The following RHPN1 variants were observed in gnomAD, a reference collection of about 807,000 sequenced individuals.
RHPN1 encodes rhophilin-1.
A neutral mutation model predicts 74.7 loss-of-function variants in RHPN1; 77 were observed. The observed-to-expected ratio is 1.03, with a 90% CI of 0.86 to 1.25. The LOEUF (loss-of-function observed/expected upper bound fraction) is 1.25. Ranked by LOEUF, RHPN1 falls within the 50% of genes most tolerant of loss-of-function variation. The pLI is 0.00. For missense variants in RHPN1, 987 were observed against 932.2 expected (o/e 1.06, Z -0.77); for synonymous variants, 444 against 414.5 (o/e 1.07, Z -0.87).
intron 1 of RHPN1, among the ~76,000 whole-genome samples, chr8:143,372,566 C>T (rs1817902220): frequency 6.6e-6 from 1 of 152,020 alleles, no homozygotes; most frequent in Non-Finnish European, 1.5e-5. Flanking sequence ...GCACACCCTC[C>T]TTCCGGCTGC....
At chr8:143,374,864 G>A (rs1440380870) in intron 1 of RHPN1, among the ~76,000 whole-genome samples, 79 of 152,240 alleles carry the variant, frequency 5.2e-4, no homozygotes, top group Non-Finnish European at 1.0e-4. Context: ...CGCTGGGCAC[G>A]CCCCACTCTT....
At chr8:143,368,626 G>A (rs1817620768), upstream of RHPN1, 1 of 172,858 alleles carries the variant, frequency 5.8e-6, no homozygotes, top group Non-Finnish European at 1.2e-5. Flanking sequence ...CGGCGCATGC[G>A]CAGTACAACC....
chr8:143,381,996 G>A (rs1818774100), intron 14 of RHPN1, 28 bp downstream of exon 14: 1 of 1,544,848 alleles, frequency 6.5e-7, no homozygotes, highest in Non-Finnish European at 8.7e-7. Context: ...CAGAGGGGCG[G>A]TCCCCAGCTT....
In RHPN1 at chr8:143,382,965, G is replaced by A; in HGVS notation, c.*314G>A. 1 of 381,356 alleles carries A rather than the reference G, an allele frequency of 2.6e-6. No individual in the cohort carries two copies. The highest frequency in any genetic ancestry group is 4.8e-6 in the Non-Finnish European group (1 of 207,354). 23.6% of individuals were successfully genotyped at this position (381,356 alleles called of 1,614,324 possible). A position where few individuals can be genotyped will look rare whatever the true frequency, so the allele number is the denominator to read the frequency against. On this transcript the variant is annotated 3_prime_UTR_variant, in exon 15 of 15. Coordinates refer to ENST00000289013, the MANE Select transcript of RHPN1 (RefSeq NM_052924.3). ...CATCCCATCTGTACCCCCGGGCTCT[G>A]TCCACCCTGCTGCTGCCCTGGGCAC...
At chr8:143,381,426 G>A in intron 12 of RHPN1, 82 bp downstream of exon 12, 3 of 1,466,600 alleles carry the variant, frequency 2.0e-6, no homozygotes, top group Non-Finnish European at 2.8e-6. Flanking sequence ...CCTCAGACAG[G>A]CCATTGATGG....
chr8:143,368,897 G>C lies in RHPN1; in HGVS notation c.-91G>C, dbSNP rs1817645526. 1.0e-6 allele frequency: 1 copy of C among 985,890 alleles called. No individual in the cohort carries two copies. Among genetic ancestry groups the C allele is most frequent in the South Asian group, 2.6e-5 (1 of 38,262 alleles). The allele number at this position is 985,890 out of a possible 1,614,324, so 61.1% of individuals were successfully genotyped here. A position where few individuals can be genotyped will look rare whatever the true frequency, so the allele number is the denominator to read the frequency against. On this transcript the variant is annotated 5_prime_UTR_variant, in exon 1 of 15. Coordinates refer to ENST00000289013, the MANE Select transcript of RHPN1 (RefSeq NM_052924.3). ...GGGCACTCAGGAGCCCGCGGCCCAG[G>C]TGGTGCGGGCGGCCCTAGCCCGGCT...
chr8:143,382,517 A>T lies in RHPN1; in HGVS notation c.1879A>T (p.Thr627Ser). Residue 627 changes from threonine to serine, a missense_variant, in exon 15 of 15, where the codon ACG (threonine) becomes TCG (serine). Transcript: ENST00000289013. ...REHGCKTPAS[T>S]WASPRPLLNW... ...GCATGGTTGCAAGACCCCGGCATCC[A>T]CGTGGGCCAGTCCCCGGCCCCTCCT... The T allele has an allele frequency of 6.2e-7, 1 of 1,610,148 alleles. No individual in the cohort carries two copies. The highest frequency in any genetic ancestry group is 8.5e-7 in the Non-Finnish European group (1 of 1,178,930).
intron 5 of RHPN1, 123 bp from the exon 6 acceptor site, chr8:143,378,573 C>T: frequency 7.5e-7 from 1 of 1,336,468 alleles, no homozygotes; most frequent in Non-Finnish European, 1.0e-6. Flanking sequence ...TCACGGCTGC[C>T]CAGGGCCCCA....
In RHPN1 at chr8:143,381,325, C is replaced by T; in HGVS notation, c.1469C>T (p.Pro490Leu). Residue 490 changes from proline to leucine, a missense_variant, in exon 12 of 15, where the codon CCT (proline) becomes CTT (leucine). Transcript: ENST00000289013. ...RMPRLSQGKG[P>L]DIFHRLGPLS... ...CCACGCCTGTCCCAGGGGAAGGGGC[C>T]TGACATCTTCCATCGGCTGGTGAGC... The T allele has an allele frequency of 1.9e-6, 3 of 1,611,976 alleles. No homozygotes were observed. The highest frequency in any genetic ancestry group is 2.5e-6 in the Non-Finnish European group (3 of 1,179,334).
intron 8 of RHPN1, 75 bp from the exon 9 acceptor site, chr8:143,379,754 G>A (rs1818571695): frequency 1.3e-6 from 2 of 1,517,668 alleles, no homozygotes; most frequent in Non-Finnish European, 1.8e-6. Flanking sequence ...CGGAGCAGGT[G>A]GAGGCTGGGT....
chr8:143,376,485 G>A, intron 2 of RHPN1, 40 bp from the exon 3 acceptor site: 1 of 1,608,308 alleles, frequency 6.2e-7, no homozygotes, highest in South Asian at 1.1e-5. Flanking sequence ...CTTTGGCTCT[G>A]CCTTGGGGCT....
At chr8:143,380,237 C>A in intron 10 of RHPN1, 62 bp downstream of exon 10, 1 of 1,124,116 alleles carries the variant, frequency 8.9e-7, no homozygotes, top group Non-Finnish European at 1.2e-6. Context: ...GGCAGGGTGT[C>A]CCCCACCACC....
chr8:143,371,576 G>T (rs1004069066), intron 1 of RHPN1, among the ~76,000 whole-genome samples: 8 of 152,146 alleles, frequency 5.3e-5, no homozygotes, highest in African/African-American at 7.2e-5. Context: ...CCCCAGGTCA[G>T]CCCCACTCTG....
At chr8:143,377,727 T>C (rs1818379599) in intron 4 of RHPN1, among the ~76,000 whole-genome samples, 1 of 152,122 alleles carries the variant, frequency 6.6e-6, no homozygotes, top group Non-Finnish European at 1.5e-5. Context: ...GGATGGGCAA[T>C]GCCCTAGGAG....
At chr8:143,375,090 G>A (rs1233331163) in intron 1 of RHPN1, among the ~76,000 whole-genome samples, 2 of 152,230 alleles carry the variant, frequency 1.3e-5, no homozygotes, top group Admixed American at 1.3e-4. Flanking sequence ...AACCCACATG[G>A]GAATGATTTG....
At chr8:143,376,714 TGCATGTGTGTGC>T in intron 3 of RHPN1, 61 bp downstream of exon 3, 1 of 1,508,146 alleles carries the variant, frequency 6.6e-7, no homozygotes, top group African/African-American at 1.4e-5. Flanking sequence ...CGTGTGTGTG[TGCATGTGTGTGC>T]ACGCATGTGT....
In RHPN1 at chr8:143,381,467, A is replaced by G. The variant is rs1586834030; in HGVS notation, c.1489-105A>G. The G allele has an allele frequency of 6.8e-6, 10 of 1,474,042 alleles. No homozygotes were observed. The East Asian group carries it at 2.4e-4, about 35-fold the overall frequency. The allele number at this position is 1,474,042 out of a possible 1,614,324, so 91.3% of individuals were successfully genotyped here. A position where few individuals can be genotyped will look rare whatever the true frequency, so the allele number is the denominator to read the frequency against. On this transcript the variant is annotated intron_variant, in intron 12 of 14. Transcript: ENST00000289013. Reference sequence around the variant, plus strand: ...CAGCCCTCCCCACCCACCTTGTGGAACCCCACGGTGTCCCTCGGTGCACAG... The same window carrying G: ...CAGCCCTCCCCACCCACCTTGTGGAGCCCCACGGTGTCCCTCGGTGCACAG...
rs759766999 is a variant in RHPN1, at chr8:143,382,471, G to T, written c.1833G>T (p.Gly611=). ...DRRPVLLGPR[G]LLRSQREHGC... ...GGCCCGTCCTGCTGGGCCCCAGGGGGCTTCTAAGGAGCCAGAGGGAGCATG... is the reference window on the plus strand; with the variant it reads ...GGCCCGTCCTGCTGGGCCCCAGGGGTCTTCTAAGGAGCCAGAGGGAGCATG... Residue 611 remains glycine (G), a synonymous_variant, in exon 15 of 15, where the codon GGG becomes GGT. Coordinates refer to ENST00000289013, the MANE Select transcript of RHPN1 (RefSeq NM_052924.3). The T allele has an allele frequency of 6.3e-6, 10 of 1,592,370 alleles. No individual in the cohort carries two copies. In the East Asian group the frequency reaches 1.1e-4, roughly 18 times the overall value.
chr8:143,378,103 G>T (rs905553584), intron 4 of RHPN1, among the ~76,000 whole-genome samples, 166 bp from the exon 5 acceptor site: 1 of 152,248 alleles, frequency 6.6e-6, no homozygotes, highest in Admixed American at 6.5e-5. Flanking sequence ...CTTCTCTGGG[G>T]CTTCCACTGA....
Sources: gnomAD v4.1 joint callset for allele counts (sites outside exome capture counted in the v4.1 genomes callset) on GRCh38, gnomAD v4.1.1 for gene constraint, MANE v1.5 for transcripts, NCBI Gene and HGNC (gene_info 2026-07-23, HGNC 2026-07-21) for gene names.